DOCK5: variants seen among roughly 807,000 people sequenced by gnomAD.
The protein encoded by DOCK5 is dedicator of cytokinesis protein 5.
Under a neutral mutation model 251.8 loss-of-function variants are expected in DOCK5, and 142 were observed. That is an observed-to-expected ratio of 0.56 (90% CI 0.49 to 0.65). The LOEUF (loss-of-function observed/expected upper bound fraction) is 0.65, where lower values mean the gene tolerates loss of function less well. DOCK5 is among the 30% of genes least tolerant of loss of function. DOCK5 has a pLI of 0.00. For synonymous variants in DOCK5, 842 were observed against 835.5 expected (o/e 1.01, Z -0.13); for missense variants, 2,111 against 2,312.3 (o/e 0.91, Z 1.79).
chr8:25,372,324 A>G (rs1325259734), intron 34 of DOCK5, among the ~76,000 whole-genome samples: 1 of 152,218 alleles, frequency 6.6e-6, no homozygotes, highest in Non-Finnish European at 1.5e-5. Context: ...AGTCCTAAAG[A>G]AAACTGGAAC....
In DOCK5 at chr8:25,415,675, T is replaced by C. The variant is rs1269678899; in HGVS notation, c.*4377T>C. ...AAAATTTTGTTCAGATTTGCTGTTA[T>C]TTATTTTTTAAATTAAAAATGGAAA... On this transcript the variant is annotated 3_prime_UTR_variant, in exon 52 of 52. Coordinates refer to ENST00000276440, the MANE Select transcript of DOCK5 (RefSeq NM_024940.8). The C allele has an allele frequency of 6.6e-6, 1 of 152,252 alleles. No homozygotes were observed. The highest frequency in any genetic ancestry group is 1.5e-5 in the Non-Finnish European group (1 of 68,050). The allele number at this position is 152,252 out of a possible 1,614,324, so 9.4% of individuals were successfully genotyped here.
chr8:25,399,982 A>G lies in DOCK5; in HGVS notation c.4776A>G (p.Leu1592=), dbSNP rs1400130000. The change falls in exon 46 of 52, where the codon CTA becomes CTG. Residue 1592 remains leucine (L), a synonymous_variant. Coordinates refer to ENST00000276440, the MANE Select transcript of DOCK5 (RefSeq NM_024940.8). The part of the protein sequence containing the change: ...DQEKVELLKR[L]IALQMPLLTE... ...AGAAGGTTGAGCTGCTAAAGCGACT[A>G]ATAGCATTACAGGTACAGGACGGCT... The G allele has an allele frequency of 2.5e-6, 4 of 1,613,578 alleles. No homozygotes were observed. In the African/African-American group the frequency reaches 4.0e-5, roughly 16 times the overall value.
Position 25,340,968 on chromosome 8 carries a change from G to A in DOCK5, c.2419G>A (p.Glu807Lys). 1 of 1,612,500 alleles carries A rather than the reference G, an allele frequency of 6.2e-7. No homozygotes were observed. The highest frequency in any genetic ancestry group is 8.5e-7 in the Non-Finnish European group (1 of 1,179,294). The change falls in exon 23 of 52, where the codon GAG becomes AAG. Residue 807 changes from glutamate to lysine, a missense_variant. Coordinates refer to ENST00000276440, the MANE Select transcript of DOCK5 (RefSeq NM_024940.8). ...AFNMLMDRPL[E>K]EAVKIKGAAL... ...CAATATGCTGATGGACAGGCCTCTG[G>A]AGGAAGCCGTCAAGATCAAGGTCAG... is the stretch of plus-strand genomic sequence containing the variant.
chr8:25,410,713 C>T (rs528121782), intron 51 of DOCK5, among the ~76,000 whole-genome samples: 14 of 149,462 alleles, frequency 9.4e-5, no homozygotes, highest in Non-Finnish European at 1.8e-4. Flanking sequence ...CCCCCCCACC[C>T]ACCTCAGCCT....
Position 25,342,532 on chromosome 8 carries a change from C to T in DOCK5, c.2617+25C>T, listed in dbSNP as rs147785660. The T allele has an allele frequency of 3.7e-4, 573 of 1,528,656 alleles. 2 individuals carry two copies. In the African/African-American group the frequency reaches 7.0e-3, roughly 19 times the overall value. 94.7% of individuals were successfully genotyped at this position (1,528,656 alleles called of 1,614,324 possible). ...GGTAAGTCTCCTTCAAAACTTGCTG[C>T]ATGAGGTTGCAGTGAGCTGAGATTG... On this transcript the variant is annotated intron_variant, in intron 25 of 51. Coordinates refer to ENST00000276440, the MANE Select transcript of DOCK5 (RefSeq NM_024940.8).
intron 1 of DOCK5, among the ~76,000 whole-genome samples, chr8:25,232,671 A>G (rs1802700933): frequency 6.6e-6 from 1 of 152,126 alleles, no homozygotes; most frequent in Non-Finnish European, 1.5e-5. Context: ...AATCCCATTC[A>G]TGAGAGCTCC....
chr8:25,283,013 A>G (rs1164090955), intron 5 of DOCK5, among the ~76,000 whole-genome samples: 1 of 152,122 alleles, frequency 6.6e-6, no homozygotes, highest in East Asian at 1.9e-4. Context: ...CAGTCCACTA[A>G]CCAGATTAAC....
intron 38 of DOCK5, among the ~76,000 whole-genome samples, chr8:25,377,672 G>A (rs953611685): frequency 6.6e-6 from 1 of 152,144 alleles, no homozygotes; most frequent in South Asian, 2.1e-4. Flanking sequence ...TAGTCTGCTA[G>A]AACAACCAAT....
chr8:25,352,220 G>GA (rs796559970), intron 27 of DOCK5, among the ~76,000 whole-genome samples: 96 of 15,740 alleles, frequency 6.1e-3, no homozygotes, highest in Admixed American at 9.4e-3. Context: ...CTTTGAAAAA[G>GA]AAAAAAAAAA....
intron 18 of DOCK5, among the ~76,000 whole-genome samples, chr8:25,328,048 A>G (rs2117211062): frequency 6.6e-6 from 1 of 152,288 alleles, no homozygotes; most frequent in South Asian, 2.1e-4. Flanking sequence ...ATTATAAATC[A>G]GTCCGCTAGT....
chr8:25,327,200 C>A (rs566747785), intron 18 of DOCK5, among the ~76,000 whole-genome samples: 1 of 152,208 alleles, frequency 6.6e-6, no homozygotes, highest in Non-Finnish European at 1.5e-5. Flanking sequence ...TCAGCTATCA[C>A]GATCATCATC....
intron 46 of DOCK5, among the ~76,000 whole-genome samples, chr8:25,400,379 T>A (rs759303289): frequency 3.3e-5 from 5 of 150,104 alleles, no homozygotes; most frequent in Non-Finnish European, 7.4e-5. Flanking sequence ...ATGCTTGTAA[T>A]CCCAGCTACT....
chr8:25,243,787 G>A (rs779242604), intron 2 of DOCK5, 30 bp downstream of exon 2: 73 of 1,603,962 alleles, frequency 4.6e-5, no homozygotes, highest in Non-Finnish European at 6.2e-5. Context: ...TGCCAGATGA[G>A]GGCAAGGGAA....
At chr8:25,219,904 TTG>T (rs1322924415) in intron 1 of DOCK5, among the ~76,000 whole-genome samples, 2 of 152,104 alleles carry the variant, frequency 1.3e-5, no homozygotes, top group African/African-American at 4.8e-5. Flanking sequence ...GGAAACTGTC[TTG>T]TGTCATTTAA....
intron 1 of DOCK5, among the ~76,000 whole-genome samples, chr8:25,196,704 A>G (rs1050980891): frequency 6.6e-6 from 1 of 152,230 alleles, no homozygotes; most frequent in Non-Finnish European, 1.5e-5. Flanking sequence ...ATTGTACTTA[A>G]TTTTACCATA....
intron 1 of DOCK5, among the ~76,000 whole-genome samples, chr8:25,188,099 T>A (rs1296672453): frequency 6.6e-6 from 1 of 152,204 alleles, no homozygotes; most frequent in Non-Finnish European, 1.5e-5. Flanking sequence ...TAACCTAGCT[T>A]GTCTGGTAAT....
intron 14 of DOCK5, among the ~76,000 whole-genome samples, chr8:25,318,592 C>CTT (rs546657586): frequency 1.1e-5 from 1 of 88,240 alleles, no homozygotes; most frequent in Non-Finnish European, 2.1e-5. Flanking sequence ...TTCTTTCCTT[C>CTT]TTTTTTTTTT....
chr8:25,232,747 T>G (rs574128190), intron 1 of DOCK5, among the ~76,000 whole-genome samples: 2 of 152,200 alleles, frequency 1.3e-5, no homozygotes, highest in South Asian at 2.1e-4. Context: ...GGCGTAGATT[T>G]CAACATAAAC....
chr8:25,336,227 C>T lies in DOCK5; in HGVS notation c.2193-12C>T. ...GCTCATTGGCTTAATTTTTCTTTCT[C>T]ATTCTTCTAAGGAAACTCTCCAAGG... is the stretch of plus-strand genomic sequence containing the variant. On this transcript the variant is annotated splice_polypyrimidine_tract_variant and intron_variant, in intron 21 of 51. Coordinates refer to ENST00000276440, the MANE Select transcript of DOCK5 (RefSeq NM_024940.8). 2 of 1,602,092 alleles carry T rather than the reference C, an allele frequency of 1.2e-6. No homozygotes were observed. Among genetic ancestry groups the T allele is most frequent in the Non-Finnish European group, 1.7e-6 (2 of 1,170,212 alleles).
Sources: gnomAD v4.1 joint callset for allele counts (sites outside exome capture counted in the v4.1 genomes callset) on GRCh38, gnomAD v4.1.1 for gene constraint, MANE v1.5 for transcripts, NCBI Gene and HGNC (gene_info 2026-07-23, HGNC 2026-07-21) for gene names.